NFS1: variants seen among roughly 807,000 people sequenced by gnomAD.
The protein encoded by NFS1 is NFS1 cysteine desulfurase.
A neutral mutation model predicts 57.3 loss-of-function variants in NFS1; 26 were observed. That is an observed-to-expected ratio of 0.45 (90% CI 0.33 to 0.63). The LOEUF (loss-of-function observed/expected upper bound fraction) is 0.63. Ranked by LOEUF, NFS1 falls within the 20% of genes least tolerant of loss-of-function variation. The pLI is 0.02. For synonymous variants in NFS1, 209 were observed against 216.3 expected (o/e 0.97, Z 0.30); for missense variants, 505 against 605.8 (o/e 0.83, Z 1.75).
chr20:35,693,171 C>T (rs1446428299), intron 4 of NFS1, among the ~76,000 whole-genome samples: 2 of 151,822 alleles, frequency 1.3e-5, no homozygotes, highest in African/African-American at 2.4e-5. Context: ...GGTGTGGTCT[C>T]GGCCCACTGC....
At chr20:35,691,445 GA>G (rs934725673) in intron 4 of NFS1, among the ~76,000 whole-genome samples, 157 of 137,018 alleles carry the variant, frequency 1.1e-3, no homozygotes, top group African/African-American at 3.5e-3. Flanking sequence ...TCTCATTGAA[GA>G]AAAAAAAAAA....
At chr20:35,687,873 G>A (rs1447899103) in intron 5 of NFS1, among the ~76,000 whole-genome samples, 1 of 152,158 alleles carries the variant, frequency 6.6e-6, no homozygotes, top group Non-Finnish European at 1.5e-5. Context: ...CAAGGTAGGA[G>A]GATCACTTGA....
intron 4 of NFS1, among the ~76,000 whole-genome samples, chr20:35,695,238 C>A (rs915275397): frequency 2.6e-5 from 4 of 152,146 alleles, no homozygotes; most frequent in African/African-American, 9.7e-5. Context: ...CTCTGCAGTC[C>A]CAAGGAAGGA....
chr20:35,675,127 C>G lies in NFS1; in HGVS notation c.866G>C (p.Arg289Pro). Residue 289 changes from arginine (R) to proline (P), a missense_variant, in exon 8 of 13, where the codon CGG becomes CCG. Arg to Pro is a moderately radical substitution (Grantham distance 103). Transcript: ENST00000374092. ...GGGCACTGTCCCAGACCGCATACCC[C>G]GCTCCTGCCCCCCTCCACTCTGCAG... ...EALQSGGGQE[R>P]GMRSGTVPTP... 1 of 1,614,002 alleles carries G rather than the reference C, an allele frequency of 6.2e-7. No individual in the cohort carries two copies. The highest frequency in any genetic ancestry group is 8.5e-7 in the Non-Finnish European group (1 of 1,180,008).
intron 12 of NFS1, among the ~76,000 whole-genome samples, 195 bp from the exon 13 acceptor site, chr20:35,669,880 T>C (rs1431468039): frequency 6.6e-6 from 1 of 152,194 alleles, no homozygotes; most frequent in African/African-American, 2.4e-5. Flanking sequence ...TCAGCTCTCC[T>C]GAGAGCTCTC....
chr20:35,685,789 C>T lies in NFS1; in HGVS notation c.562-3808G>A, dbSNP rs193072724. 2.8e-3 allele frequency among the ~76,000 whole-genome samples: 375 copies of T among 135,804 alleles called. 12 individuals are homozygous for T. The highest frequency in any genetic ancestry group is 0.01 in the African/African-American group (369 of 36,292). The allele number at this position is 135,804 out of a possible 152,430, so 89.1% of individuals were successfully genotyped here. A position where few individuals can be genotyped will look rare whatever the true frequency, so the allele number is the denominator to read the frequency against. On this transcript the variant is annotated intron_variant, in intron 5 of 12. Transcript: ENST00000374092. ...AGGAGAATTGCTTGAACCCGGGAGGCGGAGGTTGCGATGAGCTGAGATCGC... is the reference window on the plus strand; with the variant it reads ...AGGAGAATTGCTTGAACCCGGGAGGTGGAGGTTGCGATGAGCTGAGATCGC...
At chr20:35,675,008 G>A (rs1444877812) in intron 8 of NFS1, 37 bp downstream of exon 8, 4 of 1,613,206 alleles carry the variant, frequency 2.5e-6, no homozygotes, top group Non-Finnish European at 3.4e-6. Flanking sequence ...CCCAGCACAG[G>A]GGAAGAAGTT....
At chr20:35,685,517 G>A (rs1194776362) in intron 5 of NFS1, among the ~76,000 whole-genome samples, 2 of 139,992 alleles carry the variant, frequency 1.4e-5, no homozygotes, top group Non-Finnish European at 3.1e-5. Flanking sequence ...GCAAGACCAT[G>A]TCTCATAAAA....
intron 4 of NFS1, among the ~76,000 whole-genome samples, chr20:35,695,410 A>G (rs566346898): frequency 1.3e-5 from 2 of 152,304 alleles, no homozygotes; most frequent in African/African-American, 4.8e-5. Context: ...GCAAGCCACA[A>G]TTTCTCAGAG....
intron 12 of NFS1, among the ~76,000 whole-genome samples, chr20:35,672,146 G>A (rs1231525093): frequency 6.6e-6 from 1 of 151,984 alleles, no homozygotes; most frequent in African/African-American, 2.4e-5. Context: ...TTTTAGGAGA[G>A]ACGGGGTTTC....
intron 12 of NFS1, among the ~76,000 whole-genome samples, chr20:35,672,327 G>A (rs116886776): frequency 0.028 from 4,272 of 151,624 alleles, 88 homozygotes; most frequent in Non-Finnish European, 0.04. Context: ...TTGGCTCAAC[G>A]CAACCTCCCC....
chr20:35,673,223 G>A lies in NFS1; in HGVS notation c.1220+378C>T, dbSNP rs571465259. 2.6e-5 allele frequency among the ~76,000 whole-genome samples: 4 copies of A among 152,184 alleles called. No individual in the cohort carries two copies. The East Asian group carries it at 7.7e-4, about 29-fold the overall frequency. On this transcript the variant is annotated intron_variant, in intron 11 of 12. Coordinates refer to ENST00000374092, the MANE Select transcript of NFS1 (RefSeq NM_021100.5). ...GAATTGCTTGAACCTGCAAGTCAGA[G>A]GCTTCAGTGAGCTGAGATCATGCCA...
intron 7 of NFS1, among the ~76,000 whole-genome samples, chr20:35,678,311 C>T (rs1045896318): frequency 6.6e-6 from 1 of 151,832 alleles, no homozygotes; most frequent in Non-Finnish European, 1.5e-5. Flanking sequence ...GCCAAGATCA[C>T]GCCACTGTAC....
chr20:35,682,343 T>C (rs2034861541), intron 5 of NFS1, among the ~76,000 whole-genome samples: 1 of 152,230 alleles, frequency 6.6e-6, no homozygotes, highest in South Asian at 2.1e-4. Flanking sequence ...ATAACTTTAT[T>C]CGTAATACCA....
chr20:35,690,312 A>T, intron 5 of NFS1, 101 bp downstream of exon 5: 1 of 1,053,146 alleles, frequency 9.5e-7, no homozygotes, highest in Non-Finnish European at 1.4e-6. Context: ...CCTAACTGTT[A>T]GATCTATTCC....
Position 35,699,160 on chromosome 20 carries a change from C to T in NFS1, c.97+32G>A. The T allele has an allele frequency of 2.2e-6, 3 of 1,387,280 alleles. No homozygotes were observed. Among genetic ancestry groups the T allele is most frequent in the African/African-American group, 1.5e-5 (1 of 65,352 alleles). The allele number at this position is 1,387,280 out of a possible 1,614,324, so 85.9% of individuals were successfully genotyped here. A position where few individuals can be genotyped will look rare whatever the true frequency, so the allele number is the denominator to read the frequency against. ...CGTCGCCGCGCGGAGGGGACAGGTC[C>T]GCGCCTCCCGGAGAGCGGGACCCGA... is the stretch of plus-strand genomic sequence containing the variant. On this transcript the variant is annotated intron_variant, in intron 1 of 12. Coordinates refer to ENST00000374092, the MANE Select transcript of NFS1 (RefSeq NM_021100.5). This position sits in a 1 kb window ranked among gnomAD's most constrained non-coding sequence, Gnocchi z 4.4.
intron 5 of NFS1, among the ~76,000 whole-genome samples, chr20:35,689,768 TAA>T (rs765257027): frequency 3.0e-4 from 33 of 108,398 alleles, no homozygotes; most frequent in Non-Finnish European, 3.5e-4. Flanking sequence ...GACTCTGTTT[TAA>T]AAAAAAAAAA....
intron 5 of NFS1, among the ~76,000 whole-genome samples, chr20:35,685,999 G>A (rs1224266068): frequency 4.8e-5 from 7 of 146,618 alleles, no homozygotes; most frequent in Non-Finnish European, 7.5e-5. Flanking sequence ...GCACGATCTC[G>A]GCTCACTGCA....
chr20:35,684,473 G>A (rs949023336), intron 5 of NFS1, among the ~76,000 whole-genome samples: 4 of 145,780 alleles, frequency 2.7e-5, no homozygotes, highest in East Asian at 2.0e-4. Flanking sequence ...AATAAGGGCC[G>A]GGCATGGTGG....
Sources: allele counts gnomAD v4.1 joint callset (sites outside exome capture counted in the v4.1 genomes callset), GRCh38; gene constraint gnomAD v4.1.1; non-coding constraint Gnocchi (gnomAD v3.1); transcripts MANE v1.5; gene names NCBI Gene and HGNC (gene_info 2026-07-23, HGNC 2026-07-21).